NAALADL2: variants seen among roughly 807,000 people sequenced by gnomAD.
The protein encoded by NAALADL2 is inactive N-acetylated-alpha-linked acidic dipeptidase-like protein 2.
NAALADL2 carries 76 observed loss-of-function variants against 87.2 expected under a neutral mutation model. The ratio of observed to expected loss-of-function variants is 0.87; its 90% CI spans 0.72 to 1.05. The LOEUF is 1.05. Ranked by LOEUF, NAALADL2 falls within the 50% of genes least tolerant of loss-of-function variation. The pLI is 0.00. For synonymous variants in NAALADL2, 354 were observed against 331.0 expected (o/e 1.07, Z -0.75); for missense variants, 1,089 against 945.8 (o/e 1.15, Z -1.99).
intron 2 of NAALADL2, among the ~76,000 whole-genome samples, chr3:174,573,092 T>C (rs1715121907): frequency 6.6e-6 from 1 of 152,176 alleles, no homozygotes; most frequent in Non-Finnish European, 1.5e-5. Flanking sequence ...ACCTACTGTA[T>C]GTATGTATAT....
At chr3:174,650,669 A>G (rs1258595664) in intron 2 of NAALADL2, among the ~76,000 whole-genome samples, 1 of 152,150 alleles carries the variant, frequency 6.6e-6, no homozygotes, top group African/African-American at 2.4e-5. Flanking sequence ...GTTATAGGAA[A>G]TGTGAGTAGA....
chr3:174,680,878 G>A (rs58609039), intron 2 of NAALADL2, among the ~76,000 whole-genome samples: 12,283 of 152,196 alleles, frequency 0.081, 730 homozygotes, highest in South Asian at 0.28. Flanking sequence ...TAAAAATCAG[G>A]TGAGCATTCA....
intron 2 of NAALADL2, among the ~76,000 whole-genome samples, chr3:174,664,670 G>A (rs1444271323): frequency 6.6e-6 from 1 of 152,164 alleles, no homozygotes; most frequent in Non-Finnish European, 1.5e-5. Context: ...CAATTTAATG[G>A]TCTGAACATT....
At chr3:175,171,925 G>T (rs1047502216) in intron 2 of NAALADL2, among the ~76,000 whole-genome samples, 1 of 152,078 alleles carries the variant, frequency 6.6e-6, no homozygotes, top group Admixed American at 6.6e-5. Context: ...GGTGGCAGTT[G>T]GGGGGATAAA....
chr3:175,579,937 C>G (rs1050772287), intron 10 of NAALADL2, among the ~76,000 whole-genome samples: 2 of 152,122 alleles, frequency 1.3e-5, no homozygotes, highest in Admixed American at 6.6e-5. Context: ...AATTGAAGCT[C>G]TGATTCCTCA....
At chr3:175,451,084 T>C (rs1482998059) in intron 6 of NAALADL2, among the ~76,000 whole-genome samples, 6 of 151,966 alleles carry the variant, frequency 3.9e-5, no homozygotes, top group Non-Finnish European at 8.8e-5. Flanking sequence ...ATTTATATGA[T>C]TAGAGCCCTA....
At chr3:175,410,693 C>G (rs1422623812) in intron 5 of NAALADL2, among the ~76,000 whole-genome samples, 1 of 152,120 alleles carries the variant, frequency 6.6e-6, no homozygotes, top group Admixed American at 6.6e-5. Flanking sequence ...GTAGCCCAAC[C>G]TAGACTTTTA....
At chr3:175,318,248 G>A (rs1759399358) in intron 4 of NAALADL2, among the ~76,000 whole-genome samples, 1 of 152,018 alleles carries the variant, frequency 6.6e-6, no homozygotes, top group Non-Finnish European at 1.5e-5. Context: ...ATGCAGAGTA[G>A]CATTTATGAT....
intron 1 of NAALADL2, among the ~76,000 whole-genome samples, chr3:174,446,020 T>A (rs534983023): frequency 7.9e-5 from 12 of 152,286 alleles, no homozygotes; most frequent in African/African-American, 2.9e-4. Flanking sequence ...CAGACAAAAT[T>A]GTAATTTAAT....
At chr3:174,704,221 T>G (rs654146) in intron 2 of NAALADL2, among the ~76,000 whole-genome samples, 1 of 151,884 alleles carries the variant, frequency 6.6e-6, no homozygotes, top group Non-Finnish European at 1.5e-5. Context: ...CTCACTACAG[T>G]AGGACCTTGA....
intron 1 of NAALADL2, among the ~76,000 whole-genome samples, chr3:174,979,434 T>C (rs986142477): frequency 2.0e-5 from 3 of 150,852 alleles, no homozygotes; most frequent in Non-Finnish European, 4.4e-5. Flanking sequence ...GTCTCCCAAG[T>C]AGCTGGGACT....
intron 2 of NAALADL2, among the ~76,000 whole-genome samples, chr3:174,661,788 A>G (rs1725528365): frequency 6.6e-6 from 1 of 152,158 alleles, no homozygotes; most frequent in South Asian, 2.1e-4. Flanking sequence ...GGATAAAGAA[A>G]TATCCAATAA....
chr3:175,072,070 A>G (rs1473390521), intron 1 of NAALADL2, among the ~76,000 whole-genome samples: 4 of 152,094 alleles, frequency 2.6e-5, no homozygotes, highest in East Asian at 1.9e-4. Context: ...ATATGGTCAC[A>G]GTGTAAAACC....
chr3:175,572,408 C>G (rs199650687), intron 9 of NAALADL2, among the ~76,000 whole-genome samples: 1 of 117,946 alleles, frequency 8.5e-6, no homozygotes, highest in African/African-American at 4.1e-5. Flanking sequence ...AGTTGGTTTA[C>G]CAAAAAAAAA....
chr3:174,466,449 A>G (rs75389494), intron 1 of NAALADL2, among the ~76,000 whole-genome samples: 3,036 of 152,076 alleles, frequency 0.02, 103 homozygotes, highest in African/African-American at 0.062. Flanking sequence ...CAGAAATGCA[A>G]TCTCTCTATG....
In NAALADL2 at chr3:175,251,490, A is replaced by G. The variant is rs75642848; in HGVS notation, c.820-4921A>G. ...TGGTACAGAATGGATAGCTTAAGTA[A>G]CTAGATTTGTGCTCATTTGACATTT... On this transcript the variant is annotated intron_variant, in intron 3 of 13. Coordinates refer to ENST00000454872, the MANE Select transcript of NAALADL2 (RefSeq NM_207015.3). Among the ~76,000 whole-genome samples, 1,208 of 152,334 alleles carry G rather than the reference A, an allele frequency of 7.9e-3. 11 individuals are homozygous for G. The highest frequency in any genetic ancestry group is 0.024 in the South Asian group (115 of 4,828).
At chr3:175,110,224 G>A (rs563222463) in intron 2 of NAALADL2, among the ~76,000 whole-genome samples, 1 of 151,736 alleles carries the variant, frequency 6.6e-6, no homozygotes, top group Non-Finnish European at 1.5e-5. Context: ...GTTAATCCTG[G>A]ATTCTTGATT....
In NAALADL2 at chr3:174,577,856, G is replaced by T. The variant is rs527462950; in HGVS notation, c.-115+27219G>T. Among the ~76,000 whole-genome samples the T allele has an allele frequency of 2.0e-5, 3 of 152,074 alleles. No individual in the cohort carries two copies. The East Asian group carries it at 5.8e-4, about 29-fold the overall frequency. On this transcript the variant is annotated intron_variant, in intron 2 of 3. Transcript: ENST00000434257. ...TATCTGACAAGAACATTAATACAGT[G>T]CTTTTATTATAGAAGGACTTAAAGA...
At chr3:174,591,809 T>C (rs866378165) in intron 2 of NAALADL2, among the ~76,000 whole-genome samples, 10 of 152,136 alleles carry the variant, frequency 6.6e-5, no homozygotes, top group South Asian at 2.1e-4. Flanking sequence ...TCTTTTGTTT[T>C]TGTTTATTTA....
Sources: allele counts gnomAD v4.1 joint callset (sites outside exome capture counted in the v4.1 genomes callset), GRCh38; gene constraint gnomAD v4.1.1; transcripts MANE v1.5; gene names NCBI Gene and HGNC (gene_info 2026-07-23, HGNC 2026-07-21).